The following RALGAPB variants were observed in gnomAD, a reference collection of about 807,000 sequenced individuals.
RALGAPB encodes ral GTPase-activating protein subunit beta.
Under a neutral mutation model 161.1 loss-of-function variants are expected in RALGAPB, and 25 were observed. That is an observed-to-expected ratio of 0.16 (90% confidence interval 0.11 to 0.22). RALGAPB has a LOEUF of 0.22. Ranked by LOEUF, RALGAPB falls within the 10% of genes least tolerant of loss-of-function variation. The probability of loss-of-function intolerance (pLI) is 1.00; values close to 1 mark genes in which losing one functional copy is unlikely to be tolerated. For missense variants in RALGAPB, 1,391 were observed against 1,815.2 expected, an observed-to-expected ratio of 0.77 and a Z score of 4.25; for synonymous variants, 629 against 626.1, an observed-to-expected ratio of 1.00 and a Z score of -0.07.
intron 2 of RALGAPB, among the ~76,000 whole-genome samples, chr20:38,490,295 A>T (rs1478924194): frequency 6.6e-6 from 1 of 150,414 alleles, no homozygotes; most frequent in African/African-American, 2.5e-5. Context: ...TGCAAGCTCC[A>T]CTTCCCGGGT....
chr20:38,566,991 T>G, intron 25 of RALGAPB, 105 bp from the exon 26 acceptor site: 1 of 1,459,878 alleles, frequency 6.8e-7, no homozygotes, highest in Non-Finnish European at 9.0e-7. Flanking sequence ...AAGCAATGCT[T>G]TGTTTAAGTG....
In RALGAPB at chr20:38,473,081, G is replaced by GC. The variant is rs2084696768; in HGVS notation, c.-31+14dup. Reference sequence around the variant, plus strand: ...GCCCGTCGCCTCAGGTAACCGGGCAGCCGGCCCCGCCGCGGCCGGACCCTC... The same window carrying GC: ...GCCCGTCGCCTCAGGTAACCGGGCAGCCCGGCCCCGCCGCGGCCGGACCCTC... On this transcript the variant is annotated intron_variant, in intron 1 of 29. Coordinates refer to ENST00000262879, the MANE Select transcript of RALGAPB (RefSeq NM_020336.4). The GC allele has an allele frequency of 2.8e-6, 1 of 355,198 alleles. No individual in the cohort carries two copies. The highest frequency in any genetic ancestry group is 5.1e-6 in the Non-Finnish European group (1 of 197,996). 22.0% of individuals were successfully genotyped at this position (355,198 alleles called of 1,614,324 possible). A position where few individuals can be genotyped will look rare whatever the true frequency, so the allele number is the denominator to read the frequency against.
chr20:38,487,723 T>G (rs548571063), intron 1 of RALGAPB, among the ~76,000 whole-genome samples: 2 of 152,278 alleles, frequency 1.3e-5, no homozygotes, highest in South Asian at 4.2e-4. Flanking sequence ...AGACTACATA[T>G]TCACATTAGG....
At chr20:38,545,579 C>G (rs920958377) in intron 18 of RALGAPB, among the ~76,000 whole-genome samples, 2 of 152,186 alleles carry the variant, frequency 1.3e-5, no homozygotes, top group African/African-American at 4.8e-5. Flanking sequence ...CTCTTTCACT[C>G]TAAGGTTTGA....
intron 27 of RALGAPB, among the ~76,000 whole-genome samples, 162 bp from the exon 28 acceptor site, chr20:38,570,607 G>T (rs1167170192): frequency 1.3e-5 from 2 of 152,124 alleles, no homozygotes; most frequent in Non-Finnish European, 2.9e-5. Flanking sequence ...TCTTGAGAGA[G>T]AATTTTTTAA....
chr20:38,539,710 A>G, intron 16 of RALGAPB, 66 bp from the exon 17 acceptor site: 5 of 1,514,200 alleles, frequency 3.3e-6, no homozygotes, highest in Non-Finnish European at 4.5e-6. Context: ...CTTCAGTGCA[A>G]ATGCTTTGAA....
Position 38,492,919 on chromosome 20 carries a change from C to A in RALGAPB, c.187-11C>A, listed in dbSNP as rs1350617113. On this transcript the variant is annotated splice_polypyrimidine_tract_variant and intron_variant, in intron 2 of 29. Transcript: ENST00000262879. ...TGTAATAATTCTATATGGATATTTT[C>A]TTTTGTCTAGGTAAAATGGACCATG... The A allele has an allele frequency of 6.3e-7, 1 of 1,582,744 alleles. No homozygotes were observed.
In RALGAPB at chr20:38,535,110, G is replaced by T. The variant is rs376931767; in HGVS notation, c.2282G>T (p.Arg761Leu). ...GATTCAGCTGCTGGGCTCCTGATTC[G>T]CAGCATTCATCTCGTCACCCAAAGA... ...NTDSAAGLLI[R>L]SIHLVTQRLN... The change falls in exon 16 of 30, where the codon CGC (arginine) becomes CTC (leucine). Residue 761 changes from arginine to leucine, a missense_variant. Coordinates refer to ENST00000262879, the MANE Select transcript of RALGAPB (RefSeq NM_020336.4). The T allele has an allele frequency of 2.5e-6, 4 of 1,613,758 alleles. No individual in the cohort carries two copies. Among genetic ancestry groups the T allele is most frequent in the African/African-American group, 1.3e-5 (1 of 74,904 alleles).
At chr20:38,558,144 T>A in intron 22 of RALGAPB, 151 bp from the exon 23 acceptor site, 1 of 562,222 alleles carries the variant, frequency 1.8e-6, no homozygotes, top group Non-Finnish European at 2.7e-6. Flanking sequence ...TGTTAAATAG[T>A]TTCTTTAGTT....
At chr20:38,525,014 A>G (rs2123140155) in intron 11 of RALGAPB, 69 bp downstream of exon 11, 2 of 1,438,872 alleles carry the variant, frequency 1.4e-6, no homozygotes, top group South Asian at 2.4e-5. Flanking sequence ...CTTCCTCCCC[A>G]GTTTCCTAAT....
chr20:38,551,449 AG>A (rs1314665707), intron 21 of RALGAPB, among the ~76,000 whole-genome samples: 1 of 152,190 alleles, frequency 6.6e-6, no homozygotes, highest in East Asian at 1.9e-4. Context: ...TGTTCGTGGT[AG>A]GTTTCAGTAC....
At chr20:38,570,148 C>T (rs2088178814) in intron 27 of RALGAPB, 152 bp downstream of exon 27, 1 of 593,432 alleles carries the variant, frequency 1.7e-6, no homozygotes, top group Non-Finnish European at 3.0e-6. Flanking sequence ...CTCCACTACT[C>T]AGTTTCTTTA....
At chr20:38,503,067 G>A (rs1279351223) in intron 5 of RALGAPB, among the ~76,000 whole-genome samples, 2 of 152,176 alleles carry the variant, frequency 1.3e-5, no homozygotes, top group African/African-American at 4.8e-5. Flanking sequence ...AATATCTTCT[G>A]CTTCAAGCCT....
At chr20:38,521,065 C>A (rs367815127) in intron 9 of RALGAPB, among the ~76,000 whole-genome samples, 2 of 152,048 alleles carry the variant, frequency 1.3e-5, no homozygotes, top group Admixed American at 6.5e-5. Context: ...TAGGGTTGCC[C>A]ATTTAATTAG....
Position 38,516,295 on chromosome 20 carries a change from C to A in RALGAPB, c.976C>A (p.Pro326Thr), listed in dbSNP as rs1005193994. 2 of 1,613,900 alleles carry A rather than the reference C, an allele frequency of 1.2e-6. No homozygotes were observed. The highest frequency in any genetic ancestry group is 2.7e-5 in the African/African-American group (2 of 74,938). ...SGMPQELNQY[P>T]CLKHLPQIFF... ...AATGCCGCAAGAATTGAATCAGTAT[C>A]CCTGCCTTAAACATCTGCCTCAAAT... Residue 326 changes from proline to threonine, a missense_variant, in exon 7 of 30, where the codon CCC (proline) becomes ACC (threonine). Physicochemically the swap from Pro to Thr is conservative, Grantham distance 38. Around this residue, in one of 3 missense-constraint regions of RALGAPB, gnomAD observed 946 missense variants for 1,257.2 expected, o/e 0.75. Coordinates refer to ENST00000262879, the MANE Select transcript of RALGAPB (RefSeq NM_020336.4).
At chr20:38,537,803 AG>A (rs2086852870) in intron 16 of RALGAPB, 3 of 152,242 alleles carry the variant, frequency 2.0e-5, no homozygotes, top group Admixed American at 2.0e-4. Flanking sequence ...TAGCATCTTC[AG>A]AAATAAACTG....
chr20:38,484,408 A>G (rs1031229906), intron 1 of RALGAPB, among the ~76,000 whole-genome samples: 6 of 152,356 alleles, frequency 3.9e-5, no homozygotes, highest in Non-Finnish European at 7.3e-5. Flanking sequence ...TACAAAGTAT[A>G]CACTTCACTA....
intron 18 of RALGAPB, among the ~76,000 whole-genome samples, chr20:38,545,289 G>A (rs1601006104): frequency 6.6e-6 from 1 of 151,992 alleles, no homozygotes; most frequent in African/African-American, 2.4e-5. Context: ...AATAATAATG[G>A]TATATGGGAA....
chr20:38,539,658 G>T, intron 16 of RALGAPB, 118 bp from the exon 17 acceptor site: 1 of 854,714 alleles, frequency 1.2e-6, no homozygotes, highest in Non-Finnish European at 1.7e-6. Context: ...ATATAAAAAA[G>T]CAAGGCTTCC....
Sources: gnomAD v4.1 joint callset for allele counts (sites outside exome capture counted in the v4.1 genomes callset) on GRCh38, gnomAD v4.1.1 for gene constraint, gnomAD v4.1.1 regional missense constraint, MANE v1.5 for transcripts, NCBI Gene and HGNC (gene_info 2026-07-23, HGNC 2026-07-21) for gene names.